ADGRL2: variants seen among roughly 807,000 people sequenced by gnomAD.
The protein encoded by ADGRL2 is calcium-independent alpha-latrotoxin receptor 2.
In ADGRL2, 44 loss-of-function variants were observed where a neutral mutation model predicts 157.4. That is an observed-to-expected ratio of 0.28 (90% CI 0.22 to 0.36). ADGRL2 has a LOEUF of 0.36. Among genes scored for constraint, ADGRL2 ranks in the 10% least tolerant of loss-of-function variants. The pLI, the probability that ADGRL2 is intolerant of heterozygous loss-of-function variation, is 1.00. For synonymous variants in ADGRL2, 585 were observed against 624.7 expected, an observed-to-expected ratio of 0.94 and a Z score of 0.95; for missense variants, 1,510 against 1,768.9, an observed-to-expected ratio of 0.85 and a Z score of 2.63.
intron 1 of ADGRL2, among the ~76,000 whole-genome samples, chr1:81,750,259 G>C (rs771386958): frequency 3.3e-5 from 5 of 152,212 alleles, no homozygotes; most frequent in Non-Finnish European, 7.3e-5. Flanking sequence ...CCTAAACAGT[G>C]TCAGAGCTCA....
At chr1:81,871,747 C>T (rs929906474) in intron 2 of ADGRL2, among the ~76,000 whole-genome samples, 1 of 151,794 alleles carries the variant, frequency 6.6e-6, no homozygotes, top group Non-Finnish European at 1.5e-5. Flanking sequence ...TGAGAAGTGT[C>T]TGTTCATATC....
At chr1:81,632,112 A>C (rs561368173) in intron 3 of ADGRL2, among the ~76,000 whole-genome samples, 5 of 152,204 alleles carry the variant, frequency 3.3e-5, no homozygotes, top group Non-Finnish European at 5.9e-5. Context: ...TGTGTCAGGC[A>C]ATGTAATAGA....
At chr1:81,936,396 C>A (rs2095311010) in intron 3 of ADGRL2, among the ~76,000 whole-genome samples, 1 of 151,574 alleles carries the variant, frequency 6.6e-6, no homozygotes. Flanking sequence ...TCTTAATATC[C>A]TAGTAAGATA....
intron 2 of ADGRL2, among the ~76,000 whole-genome samples, chr1:81,876,004 C>G (rs9943114): frequency 0.46 from 69,391 of 151,890 alleles, 16,352 homozygotes; most frequent in East Asian, 0.86. Flanking sequence ...AAGTCTTTTT[C>G]TAAGAGTCTA....
chr1:81,639,629 CA>C (rs2148796237), intron 3 of ADGRL2, among the ~76,000 whole-genome samples: 1 of 148,846 alleles, frequency 6.7e-6, no homozygotes, highest in South Asian at 2.2e-4. Context: ...TAATCTCAGA[CA>C]GAGCAGACTT....
chr1:81,379,209 G>A (rs181946397), intron 1 of ADGRL2, among the ~76,000 whole-genome samples: 29 of 152,288 alleles, frequency 1.9e-4, no homozygotes, highest in Admixed American at 1.7e-3. Flanking sequence ...GCGGGTGATA[G>A]GGGTGTGGCT....
chr1:81,951,006 C>A lies in ADGRL2; in HGVS notation c.1505-12C>A, dbSNP rs896421816. 1.1e-5 allele frequency: 17 copies of A among 1,569,060 alleles called. No individual in the cohort carries two copies. Among genetic ancestry groups the A allele is most frequent in the Non-Finnish European group, 1.3e-5 (15 of 1,139,998 alleles). On this transcript the variant is annotated splice_polypyrimidine_tract_variant and intron_variant, in intron 7 of 23. Transcript: ENST00000686636. ...GTTTCAATTTCACTGTTGTTTTCTA[C>A]ATCTGTTGTAGGAACTGCCTCATAT...
At chr1:81,444,966 T>C (rs2077574115) in intron 1 of ADGRL2, 1 of 152,246 alleles carries the variant, frequency 6.6e-6, no homozygotes, top group African/African-American at 2.4e-5. Flanking sequence ...TTCAATTTCA[T>C]TGATAATCTT....
At chr1:81,749,614 A>T (rs916445414) in intron 1 of ADGRL2, among the ~76,000 whole-genome samples, 2 of 152,194 alleles carry the variant, frequency 1.3e-5, no homozygotes, top group Non-Finnish European at 2.9e-5. Flanking sequence ...TGTTAAATGA[A>T]TACATAAACT....
At chr1:81,720,179 C>CT (rs370916970) in intron 1 of ADGRL2, among the ~76,000 whole-genome samples, 10,240 of 138,334 alleles carry the variant, frequency 0.074, 432 homozygotes, top group South Asian at 0.13. Context: ...TCCTTTTTTT[C>CT]TTTTCTTTTT....
Position 81,986,936 on chromosome 1 carries a change from C to G in ADGRL2, c.3544C>G (p.Leu1182Val), listed in dbSNP as rs1663334114. ...TGNYLLTNPLLRPHGTNNPYN... is the reference protein window; with the variant it reads ...TGNYLLTNPLVRPHGTNNPYN... Reference sequence around the variant, plus strand: ...CAATTACCTACTAACAAACCCTCTTCTTCGACCCCACGGCACTAACAACCC... The same window carrying G: ...CAATTACCTACTAACAAACCCTCTTGTTCGACCCCACGGCACTAACAACCC... The change falls in exon 22 of 24, where the codon CTT becomes GTT. Residue 1182 changes from leucine to valine, a missense_variant. Physicochemically the swap from Leu to Val is conservative, Grantham distance 32. This residue lies in a region of ADGRL2 where 497 missense variants were observed against 627.2 expected (regional missense o/e 0.79). Transcript: ENST00000686636. The G allele has an allele frequency of 3.7e-6, 6 of 1,610,962 alleles. No homozygotes were observed. Among genetic ancestry groups the G allele is most frequent in the Non-Finnish European group, 5.1e-6 (6 of 1,179,000 alleles).
At chr1:81,933,246 A>G (rs72717801) in intron 3 of ADGRL2, among the ~76,000 whole-genome samples, 44,970 of 151,992 alleles carry the variant, frequency 0.3, 7,217 homozygotes, top group Middle Eastern at 0.37. Context: ...TTAAAACCCT[A>G]TTTTTTCTCT....
intron 2 of ADGRL2, among the ~76,000 whole-genome samples, chr1:81,541,694 A>G (rs750602616): frequency 6.6e-6 from 1 of 152,116 alleles, no homozygotes; most frequent in African/African-American, 2.4e-5. Flanking sequence ...TCACGCCTGT[A>G]ATCCCAGCAC....
At chr1:81,621,317 C>T (rs139163368) in intron 3 of ADGRL2, among the ~76,000 whole-genome samples, 2 of 152,298 alleles carry the variant, frequency 1.3e-5, no homozygotes, top group East Asian at 3.9e-4. Flanking sequence ...GTGTTACGAC[C>T]TCTCTCTGCC....
At chr1:81,631,228 T>G (rs910170015) in intron 3 of ADGRL2, among the ~76,000 whole-genome samples, 4 of 152,116 alleles carry the variant, frequency 2.6e-5, no homozygotes, top group Admixed American at 1.3e-4. Context: ...TTCTTTTGTT[T>G]TTTTTTGAGA....
chr1:81,691,880 G>GTATA (rs58043778), intron 3 of ADGRL2, among the ~76,000 whole-genome samples: 4 of 119,878 alleles, frequency 3.3e-5, no homozygotes, highest in East Asian at 2.3e-4. Flanking sequence ...GTGTGTGTGT[G>GTATA]TATATATATA....
At chr1:81,980,789 C>T in intron 18 of ADGRL2, 1 of 706,696 alleles carries the variant, frequency 1.4e-6, no homozygotes, top group South Asian at 1.6e-5. Context: ...TTCTCATCTA[C>T]ACCAGTAATT....
At chr1:81,810,079 A>C (rs996313349) in intron 1 of ADGRL2, among the ~76,000 whole-genome samples, 1 of 151,894 alleles carries the variant, frequency 6.6e-6, no homozygotes, top group Non-Finnish European at 1.5e-5. Context: ...TGTTTTGACT[A>C]ATGCTTTCTC....
chr1:81,779,086 T>A (rs2086710865), intron 2 of ADGRL2, among the ~76,000 whole-genome samples: 1 of 152,172 alleles, frequency 6.6e-6, no homozygotes, highest in African/African-American at 2.4e-5. Flanking sequence ...TTGACTTCAT[T>A]TGTCACATAT....
Sources: gnomAD v4.1 joint callset for allele counts (sites outside exome capture counted in the v4.1 genomes callset) on GRCh38, gnomAD v4.1.1 for gene constraint, gnomAD v4.1.1 regional missense constraint, MANE v1.5 for transcripts, NCBI Gene and HGNC (gene_info 2026-07-23, HGNC 2026-07-21) for gene names.